FHIT: variants seen among roughly 807,000 people sequenced by gnomAD.
FHIT encodes the protein fragile histidine triad diadenosine triphosphatase.
Under a neutral mutation model 17.9 loss-of-function variants are expected in FHIT, and 19 were observed. The ratio of observed to expected loss-of-function variants is 1.06; its 90% confidence interval spans 0.74 to 1.56. The LOEUF (loss-of-function observed/expected upper bound fraction) is 1.56. FHIT is among the 40% of genes most tolerant of loss of function. FHIT has a pLI of 0.00. For missense variants in FHIT, 248 were observed against 189.2 expected, an observed-to-expected ratio of 1.31 and a Z score of -1.82; for synonymous variants, 81 against 69.7, an observed-to-expected ratio of 1.16 and a Z score of -0.81.
rs1030100378 is a variant in FHIT, at chr3:59,747,575, G to C, written c.*2010C>G. Among the ~76,000 whole-genome samples the C allele has an allele frequency of 6.6e-6, 1 of 152,104 alleles. No homozygotes were observed. Among genetic ancestry groups the C allele is most frequent in the Non-Finnish European group, 1.5e-5 (1 of 68,016 alleles). ...TAGGTATGTCCACCCCAAACATTAA[G>C]TCAAGAACATCTTTTTGGTCTTATA... is the stretch of plus-strand genomic sequence containing the variant. On this transcript the variant is annotated 3_prime_UTR_variant, in exon 10 of 10. Transcript: ENST00000492590.
At chr3:60,789,336 A>G (rs9829212) in intron 4 of FHIT, among the ~76,000 whole-genome samples, 34,003 of 151,708 alleles carry the variant, frequency 0.22, 5,086 homozygotes, top group African/African-American at 0.43. Context: ...GGGCAACATG[A>G]TGAAACCCTA....
At chr3:60,077,104 G>T (rs578040296) in intron 5 of FHIT, among the ~76,000 whole-genome samples, 1 of 151,948 alleles carries the variant, frequency 6.6e-6, no homozygotes. Context: ...CAAAAGAGAA[G>T]TGTTGCTGAA....
intron 4 of FHIT, among the ~76,000 whole-genome samples, chr3:60,602,575 C>G (rs1553669176): frequency 6.6e-6 from 1 of 152,000 alleles, no homozygotes; most frequent in Non-Finnish European, 1.5e-5. Flanking sequence ...AGAAACAATC[C>G]TGGCATCTAG....
chr3:60,669,343 C>G (rs782557655), intron 4 of FHIT, among the ~76,000 whole-genome samples: 2 of 152,200 alleles, frequency 1.3e-5, no homozygotes, highest in African/African-American at 4.8e-5. Context: ...AGAACATAGG[C>G]TCACTTGGTC....
intron 3 of FHIT, among the ~76,000 whole-genome samples, chr3:60,936,145 T>C (rs1708183451): frequency 1.3e-5 from 2 of 152,176 alleles, no homozygotes; most frequent in Admixed American, 6.5e-5. Flanking sequence ...TAAAAATTAA[T>C]AATTTTCTAC....
At chr3:61,212,632 G>A (rs1204337816) in intron 1 of FHIT, among the ~76,000 whole-genome samples, 1 of 152,096 alleles carries the variant, frequency 6.6e-6, no homozygotes. Context: ...CCAACATTCA[G>A]CTTCAGGAAA....
At chr3:61,116,613 T>G (rs2365058) in intron 2 of FHIT, among the ~76,000 whole-genome samples, 114,288 of 151,470 alleles carry the variant, frequency 0.75, 43,982 homozygotes, top group African/African-American at 0.8. Flanking sequence ...TCTCTCACAC[T>G]AGAGGTAGTT....
At chr3:60,437,347 A>C (rs546882540) in intron 5 of FHIT, among the ~76,000 whole-genome samples, 2 of 152,242 alleles carry the variant, frequency 1.3e-5, no homozygotes, top group South Asian at 4.1e-4. Context: ...ACCATAAATA[A>C]ATACTCCATT....
intron 5 of FHIT, among the ~76,000 whole-genome samples, chr3:60,109,022 C>T (rs1340352069): frequency 6.6e-6 from 1 of 152,124 alleles, no homozygotes; most frequent in Admixed American, 6.6e-5. Flanking sequence ...TTCTTTTTCA[C>T]ACCAGATAAG....
chr3:60,154,996 T>A (rs1230109960), intron 5 of FHIT, among the ~76,000 whole-genome samples: 1 of 151,908 alleles, frequency 6.6e-6, no homozygotes, highest in African/African-American at 2.4e-5. Context: ...GCCTAAGAGT[T>A]TGAGACCACT....
chr3:59,810,327 A>G (rs1015211594), intron 8 of FHIT, among the ~76,000 whole-genome samples: 2 of 152,198 alleles, frequency 1.3e-5, no homozygotes, highest in Admixed American at 1.3e-4. Context: ...TGAGAGACCA[A>G]TGGGGACAGT....
chr3:61,184,879 C>T (rs887453096), intron 2 of FHIT, among the ~76,000 whole-genome samples: 1 of 152,160 alleles, frequency 6.6e-6, no homozygotes, highest in African/African-American at 2.4e-5. Context: ...GGCAGTTAGA[C>T]ACATTCACAT....
At chr3:59,808,993 G>A (rs143107316) in intron 8 of FHIT, among the ~76,000 whole-genome samples, 123 of 152,188 alleles carry the variant, frequency 8.1e-4, no homozygotes, top group African/African-American at 2.3e-3. Flanking sequence ...TCATTTTCCC[G>A]GTGGTGATCA....
intron 5 of FHIT, among the ~76,000 whole-genome samples, chr3:60,257,734 G>A (rs1706075459): frequency 1.3e-5 from 2 of 152,170 alleles, no homozygotes; most frequent in African/African-American, 4.8e-5. Flanking sequence ...ATGAGATCAT[G>A]TCCTTTGCAG....
chr3:61,062,115 T>A (rs1394889563), intron 2 of FHIT, among the ~76,000 whole-genome samples: 2 of 152,306 alleles, frequency 1.3e-5, no homozygotes, highest in East Asian at 3.9e-4. Context: ...CAGAATACGT[T>A]ACTAGACATT....
intron 1 of FHIT, among the ~76,000 whole-genome samples, chr3:61,232,378 C>A (rs1462368120): frequency 4.6e-5 from 7 of 152,174 alleles, no homozygotes; most frequent in Admixed American, 3.9e-4. Context: ...CAGAGCAAGA[C>A]CTTGTCTCAA....
chr3:60,516,017 G>A (rs1027350575), intron 5 of FHIT, among the ~76,000 whole-genome samples: 9 of 152,114 alleles, frequency 5.9e-5, no homozygotes, highest in Admixed American at 5.2e-4. Flanking sequence ...TTGATATAGT[G>A]GGGAAGGCGG....
intron 5 of FHIT, among the ~76,000 whole-genome samples, chr3:60,064,333 A>T (rs1047780466): frequency 3.3e-5 from 5 of 152,168 alleles, no homozygotes; most frequent in Non-Finnish European, 7.4e-5. Context: ...GGTATTTTTG[A>T]AATTTTTAGC....
At chr3:60,740,183 T>C (rs1183088492) in intron 4 of FHIT, among the ~76,000 whole-genome samples, 2 of 152,220 alleles carry the variant, frequency 1.3e-5, no homozygotes, top group Non-Finnish European at 2.9e-5. Context: ...TGTTTATTGC[T>C]GGGTGCAGGG....
Sources: gnomAD v4.1 joint callset for allele counts (sites outside exome capture counted in the v4.1 genomes callset) on GRCh38, gnomAD v4.1.1 for gene constraint, MANE v1.5 for transcripts, NCBI Gene and HGNC (gene_info 2026-07-23, HGNC 2026-07-21) for gene names.